The following SLC26A7 variants were observed in gnomAD, a reference collection of about 807,000 sequenced individuals.
SLC26A7 encodes anion exchange transporter.
In SLC26A7, 59 loss-of-function variants were observed where a neutral mutation model predicts 82.5. That is an observed-to-expected ratio of 0.72 (90% CI 0.58 to 0.89). The LOEUF (loss-of-function observed/expected upper bound fraction) is 0.89. SLC26A7 is among the 40% of genes least tolerant of loss of function. SLC26A7 has a pLI of 0.00. For synonymous variants in SLC26A7, 271 were observed against 274.3 expected (o/e 0.99, Z 0.12); for missense variants, 820 against 793.0 (o/e 1.03, Z -0.41).
intron 14 of SLC26A7, among the ~76,000 whole-genome samples, chr8:91,367,551 T>C (rs142583061): frequency 7.0e-4 from 101 of 143,934 alleles, no homozygotes; most frequent in Non-Finnish European, 1.3e-3. Flanking sequence ...GCCTCTGTAA[T>C]GTTAGGAGTG....
chr8:91,283,756 TAGA>T (rs1811635818), intron 2 of SLC26A7, among the ~76,000 whole-genome samples: 1 of 152,214 alleles, frequency 6.6e-6, no homozygotes, highest in Non-Finnish European at 1.5e-5. Flanking sequence ...CTCAGGTATT[TAGA>T]AGAAATACTT....
chr8:91,353,050 C>A, intron 11 of SLC26A7, 54 bp downstream of exon 11: 2 of 1,137,042 alleles, frequency 1.8e-6, no homozygotes, highest in South Asian at 1.3e-5. Flanking sequence ...CTTATGTTAC[C>A]AAATATGCAC....
At chr8:91,258,747 A>G (rs1810876988) in intron 2 of SLC26A7, among the ~76,000 whole-genome samples, 1 of 152,134 alleles carries the variant, frequency 6.6e-6, no homozygotes, top group Admixed American at 6.6e-5. Flanking sequence ...ATAAGGCAGA[A>G]GGAGTGTTTA....
At chr8:91,260,159 G>A (rs1206845497) in intron 2 of SLC26A7, among the ~76,000 whole-genome samples, 2 of 152,124 alleles carry the variant, frequency 1.3e-5, no homozygotes. Flanking sequence ...TTGACTCACA[G>A]TTCCATATGG....
At chr8:91,294,560 C>T (rs1811965614) in intron 3 of SLC26A7, among the ~76,000 whole-genome samples, 1 of 152,126 alleles carries the variant, frequency 6.6e-6, no homozygotes, top group Non-Finnish European at 1.5e-5. Context: ...CATGAAATCT[C>T]ACTTATGACC....
chr8:91,307,899 A>G lies in SLC26A7; in HGVS notation c.478-10317A>G, dbSNP rs141199914. On this transcript the variant is annotated intron_variant, in intron 4 of 18. Coordinates refer to ENST00000276609, the MANE Select transcript of SLC26A7 (RefSeq NM_052832.4). Reference sequence around the variant, plus strand: ...TTTTTTGTAGAAATGGGGTCTCACTATGTTGCCTAGGCTGTTCTCAAACTT... The same window carrying G: ...TTTTTTGTAGAAATGGGGTCTCACTGTGTTGCCTAGGCTGTTCTCAAACTT... Among the ~76,000 whole-genome samples, 612 of 152,242 alleles carry G rather than the reference A, an allele frequency of 4.0e-3. 5 individuals are homozygous for G. The highest frequency in any genetic ancestry group is 0.014 in the African/African-American group (563 of 41,570).
chr8:91,359,826 A>C (rs2130866736), intron 11 of SLC26A7, among the ~76,000 whole-genome samples: 1 of 152,238 alleles, frequency 6.6e-6, no homozygotes. Context: ...CTAGATTACT[A>C]AATAGATGGA....
intron 3 of SLC26A7, among the ~76,000 whole-genome samples, chr8:91,292,827 G>T (rs922260734): frequency 6.6e-6 from 1 of 151,692 alleles, no homozygotes; most frequent in African/African-American, 2.4e-5. Context: ...AAAAAACCTG[G>T]GTATTAATCC....
At chr8:91,251,766 G>T (rs567502173) in intron 2 of SLC26A7, among the ~76,000 whole-genome samples, 10 of 152,122 alleles carry the variant, frequency 6.6e-5, no homozygotes, top group African/African-American at 2.4e-4. Flanking sequence ...GTCAGGACTT[G>T]ATTCCAAAGC....
At chr8:91,324,843 A>G (rs1464884086) in intron 5 of SLC26A7, among the ~76,000 whole-genome samples, 2 of 152,178 alleles carry the variant, frequency 1.3e-5, no homozygotes, top group Non-Finnish European at 2.9e-5. Flanking sequence ...TGGCTTTTGA[A>G]TGGAGGCTAG....
chr8:91,352,886 A>T lies in SLC26A7; in HGVS notation c.1219-15A>T. On this transcript the variant is annotated splice_polypyrimidine_tract_variant and intron_variant, in intron 10 of 18. Coordinates refer to ENST00000276609, the MANE Select transcript of SLC26A7 (RefSeq NM_052832.4). ...TTTTATGTTGCTTCTTCTTCAACTT[A>T]CGTTTTATTTCTAGTGTGTCCTTGC... is the stretch of plus-strand genomic sequence containing the variant. The T allele has an allele frequency of 6.3e-7, 1 of 1,577,424 alleles. No individual in the cohort carries two copies. Among genetic ancestry groups the T allele is most frequent in the East Asian group, 2.3e-5 (1 of 43,760 alleles).
At chr8:91,246,394 T>C (rs1164881668), upstream of SLC26A7, among the ~76,000 whole-genome samples, 1 of 152,242 alleles carries the variant, frequency 6.6e-6, no homozygotes, top group African/African-American at 2.4e-5. Flanking sequence ...ACAGTGAAAA[T>C]GACTACAGCT....
At chr8:91,337,661 T>A (rs10095567) in intron 6 of SLC26A7, among the ~76,000 whole-genome samples, 1 of 152,040 alleles carries the variant, frequency 6.6e-6, no homozygotes, top group African/African-American at 2.4e-5. Flanking sequence ...AGCTAAAAAT[T>A]TGAAAATATT....
intron 2 of SLC26A7, among the ~76,000 whole-genome samples, chr8:91,250,080 T>A (rs934010879): frequency 6.6e-6 from 1 of 152,176 alleles, no homozygotes. Context: ...ATTTTTTCAC[T>A]GTTAAAATTC....
At chr8:91,301,756 T>C (rs915088893) in intron 4 of SLC26A7, among the ~76,000 whole-genome samples, 1 of 152,016 alleles carries the variant, frequency 6.6e-6, no homozygotes, top group Non-Finnish European at 1.5e-5. Context: ...TGTTTGGTTG[T>C]TGCTCTTCTT....
intron 11 of SLC26A7, among the ~76,000 whole-genome samples, chr8:91,358,119 G>A (rs1050978256): frequency 3.9e-5 from 6 of 152,136 alleles, no homozygotes; most frequent in African/African-American, 1.4e-4. Context: ...AACAGGTGCT[G>A]GAGAGGATGT....
intron 11 of SLC26A7, chr8:91,357,454 T>C (rs895502208): frequency 2.0e-5 from 3 of 152,094 alleles, no homozygotes; most frequent in African/African-American, 7.2e-5. Flanking sequence ...GAGGGTTGAG[T>C]AAAAATGCCT....
chr8:91,275,018 G>A (rs564688726), intron 2 of SLC26A7, among the ~76,000 whole-genome samples: 24 of 152,058 alleles, frequency 1.6e-4, no homozygotes, highest in Non-Finnish European at 2.6e-4. Flanking sequence ...ACATCTGCAG[G>A]TACTCTATGC....
At chr8:91,327,815 G>C (rs1287873055) in intron 5 of SLC26A7, among the ~76,000 whole-genome samples, 1 of 152,072 alleles carries the variant, frequency 6.6e-6, no homozygotes, top group East Asian at 1.9e-4. Flanking sequence ...GTGCAGGAAT[G>C]ATAAAAAATG....
Sources: allele counts gnomAD v4.1 joint callset (sites outside exome capture counted in the v4.1 genomes callset), GRCh38; gene constraint gnomAD v4.1.1; transcripts MANE v1.5; gene names NCBI Gene and HGNC (gene_info 2026-07-23, HGNC 2026-07-21).